The following HS3ST5 variants were observed in gnomAD, a reference collection of about 807,000 sequenced individuals.
HS3ST5 encodes the protein heparan sulfate-glucosamine 3-sulfotransferase 5, also known as heparan sulfate glucosamine 3-O-sulfotransferase 5.
In HS3ST5, 10 loss-of-function variants were observed where a neutral mutation model predicts 25.4. The observed-to-expected ratio is 0.39, with a 90% CI of 0.24 to 0.67. HS3ST5 has a LOEUF of 0.67. HS3ST5 is among the 30% of genes least tolerant of loss of function. HS3ST5 has a pLI of 0.44. For missense variants in HS3ST5, 324 were observed against 420.7 expected, an observed-to-expected ratio of 0.77 and a Z score of 2.01; for synonymous variants, 170 against 162.4, an observed-to-expected ratio of 1.05 and a Z score of -0.36.
At chr6:114,246,171 T>A (rs1327568893) in intron 1 of HS3ST5, among the ~76,000 whole-genome samples, 1 of 152,212 alleles carries the variant, frequency 6.6e-6, no homozygotes, top group Non-Finnish European at 1.5e-5. Context: ...GAATAAAACA[T>A]CTTAATATAA....
chr6:114,107,561 T>C (rs1776054494), intron 3 of HS3ST5, among the ~76,000 whole-genome samples: 2 of 152,120 alleles, frequency 1.3e-5, no homozygotes, highest in African/African-American at 4.8e-5. Flanking sequence ...AAAAGACAGA[T>C]TGGATAGGGA....
chr6:114,240,293 T>C (rs931111209), intron 1 of HS3ST5, among the ~76,000 whole-genome samples: 3 of 152,180 alleles, frequency 2.0e-5, no homozygotes, highest in African/African-American at 7.2e-5. Context: ...CTGCTTTTCA[T>C]TCATAAAGCA....
At chr6:114,298,861 C>T (rs1435012793) in intron 1 of HS3ST5, among the ~76,000 whole-genome samples, 1 of 152,166 alleles carries the variant, frequency 6.6e-6, no homozygotes, top group African/African-American at 2.4e-5. Flanking sequence ...CCTGTCATCT[C>T]ACAAGCTGAG....
At chr6:114,262,164 T>C (rs1244353227) in intron 1 of HS3ST5, among the ~76,000 whole-genome samples, 1 of 152,236 alleles carries the variant, frequency 6.6e-6, no homozygotes, top group Non-Finnish European at 1.5e-5. Context: ...TTCATAATAT[T>C]GAATCTATGA....
At chr6:114,269,347 T>C (rs1582774626) in intron 1 of HS3ST5, among the ~76,000 whole-genome samples, 1 of 152,160 alleles carries the variant, frequency 6.6e-6, no homozygotes, top group African/African-American at 2.4e-5. Flanking sequence ...GGTACCTCTA[T>C]GAAAACCCCA....
chr6:114,298,213 A>G (rs984358544), intron 1 of HS3ST5, among the ~76,000 whole-genome samples: 1 of 152,228 alleles, frequency 6.6e-6, no homozygotes, highest in Non-Finnish European at 1.5e-5. Flanking sequence ...AGAAATATAT[A>G]AATGACCATG....
chr6:114,118,666 G>C (rs148893962), intron 3 of HS3ST5, among the ~76,000 whole-genome samples: 2 of 152,266 alleles, frequency 1.3e-5, no homozygotes, highest in East Asian at 3.9e-4. Context: ...TTGATAGAAA[G>C]GTATATGTCT....
intron 2 of HS3ST5, among the ~76,000 whole-genome samples, chr6:114,179,935 T>C (rs1779893078): frequency 6.6e-6 from 1 of 152,110 alleles, no homozygotes; most frequent in Non-Finnish European, 1.5e-5. Flanking sequence ...GTCTGATGTT[T>C]GAGGGCAGGA....
intron 2 of HS3ST5, among the ~76,000 whole-genome samples, chr6:114,180,683 G>A (rs565791557): frequency 1.3e-5 from 2 of 152,254 alleles, no homozygotes; most frequent in South Asian, 4.1e-4. Context: ...GCCTTACCTT[G>A]GTGTATGATT....
intron 2 of HS3ST5, among the ~76,000 whole-genome samples, chr6:114,215,307 A>AAAAC (rs1049021397): frequency 8.5e-5 from 13 of 152,228 alleles, no homozygotes; most frequent in East Asian, 1.9e-4. Context: ...CTCTGTCTCA[A>AAAAC]AAACAAACAA....
At chr6:114,134,509 T>C (rs952828405) in intron 3 of HS3ST5, among the ~76,000 whole-genome samples, 2 of 152,188 alleles carry the variant, frequency 1.3e-5, no homozygotes, top group Non-Finnish European at 2.9e-5. Context: ...TGCATAGAGC[T>C]GCACAGGAAG....
At chr6:114,194,764 A>G (rs1367606290) in intron 2 of HS3ST5, among the ~76,000 whole-genome samples, 1 of 152,202 alleles carries the variant, frequency 6.6e-6, no homozygotes, top group Non-Finnish European at 1.5e-5. Flanking sequence ...TCAGTTGCAC[A>G]TGGGCAGGTC....
At chr6:114,256,016 C>T (rs9488352) in intron 1 of HS3ST5, among the ~76,000 whole-genome samples, 5,816 of 152,222 alleles carry the variant, frequency 0.038, 172 homozygotes, top group African/African-American at 0.081. Flanking sequence ...TCTATCACAT[C>T]GTCAGGCTGC....
At chr6:114,320,168 C>T (rs1325382456) in intron 1 of HS3ST5, among the ~76,000 whole-genome samples, 3 of 152,008 alleles carry the variant, frequency 2.0e-5, no homozygotes, top group East Asian at 3.9e-4. Flanking sequence ...ATCTTTAATT[C>T]TTACAATTAG....
intron 2 of HS3ST5, among the ~76,000 whole-genome samples, chr6:114,215,111 C>T (rs1233695061): frequency 7.2e-5 from 11 of 152,104 alleles, no homozygotes; most frequent in Admixed American, 7.2e-4. Context: ...CGAGACCATC[C>T]TGGCTAACAT....
intron 1 of HS3ST5, among the ~76,000 whole-genome samples, chr6:114,237,961 AT>A (rs1771934965): frequency 6.6e-6 from 1 of 152,220 alleles, no homozygotes; most frequent in Non-Finnish European, 1.5e-5. Context: ...TCAATATTTA[AT>A]TACAATGTTA....
intron 1 of HS3ST5, among the ~76,000 whole-genome samples, chr6:114,304,709 C>T (rs1239855663): frequency 1.3e-5 from 2 of 152,050 alleles, no homozygotes; most frequent in Non-Finnish European, 2.9e-5. Flanking sequence ...CATGTTAACA[C>T]ATAACATTGT....
intron 1 of HS3ST5, among the ~76,000 whole-genome samples, chr6:114,335,480 T>C (rs565538696): frequency 6.6e-6 from 1 of 152,248 alleles, no homozygotes; most frequent in East Asian, 1.9e-4. Context: ...TTTCAACTCA[T>C]ATCAGATATA....
chr6:114,096,270 GT>G (rs1775419927), intron 3 of HS3ST5, among the ~76,000 whole-genome samples: 1 of 152,092 alleles, frequency 6.6e-6, no homozygotes, highest in Non-Finnish European at 1.5e-5. Flanking sequence ...TTCCAAACAT[GT>G]TAGATGGCTG....
Sources: allele counts gnomAD v4.1 joint callset (sites outside exome capture counted in the v4.1 genomes callset), GRCh38; gene constraint gnomAD v4.1.1; transcripts MANE v1.5; gene names NCBI Gene and HGNC (gene_info 2026-07-23, HGNC 2026-07-21).